The following KAT6A variants were observed in gnomAD, a reference collection of about 807,000 sequenced individuals.
KAT6A encodes the protein lysine acetyltransferase 6A.
Under a neutral mutation model 198.4 loss-of-function variants are expected in KAT6A, and 9 were observed. The ratio of observed to expected loss-of-function variants is 0.05; its 90% CI spans 0.03 to 0.08. The LOEUF is 0.08. Among genes scored for constraint, KAT6A ranks in the 10% least tolerant of loss-of-function variants. The pLI, the probability that KAT6A is intolerant of heterozygous loss-of-function variation, is 1.00. For synonymous variants in KAT6A, 890 were observed against 883.0 expected (o/e 1.01, Z -0.14); for missense variants, 2,077 against 2,509.9 (o/e 0.83, Z 3.69).
At chr8:42,001,919 T>C (rs940792765) in intron 2 of KAT6A, among the ~76,000 whole-genome samples, 6 of 152,322 alleles carry the variant, frequency 3.9e-5, no homozygotes, top group South Asian at 4.1e-4. Context: ...GTCTGCTTCA[T>C]TGTTTTTAGT....
intron 2 of KAT6A, among the ~76,000 whole-genome samples, chr8:42,003,489 A>G (rs1287748531): frequency 6.7e-6 from 1 of 149,118 alleles, no homozygotes; most frequent in African/African-American, 2.5e-5. Flanking sequence ...GTTGTAGCTG[A>G]TTCAGGAAGT....
At chr8:41,967,597 T>C (rs973740040) in intron 8 of KAT6A, among the ~76,000 whole-genome samples, 3 of 152,090 alleles carry the variant, frequency 2.0e-5, no homozygotes, top group Non-Finnish European at 4.4e-5. Flanking sequence ...ATTTCCAATT[T>C]CATCCATGTC....
In KAT6A at chr8:41,964,770, G is replaced by T. The variant is rs1340410583; in HGVS notation, c.1483-9359C>A. On this transcript the variant is annotated intron_variant, in intron 8 of 16. Coordinates refer to ENST00000265713, the MANE Select transcript of KAT6A (RefSeq NM_006766.5). ...TTAATTTATAAATTAGGCACAGTAA[G>T]AGATTAACAACAATAACTAAAAACA... is the stretch of plus-strand genomic sequence containing the variant. 2.9e-4 allele frequency among the ~76,000 whole-genome samples: 44 copies of T among 152,002 alleles called. 1 individual carries two copies. The highest frequency in any genetic ancestry group is 2.9e-3 in the Admixed American group (44 of 15,242).
rs1372851083 is a variant in KAT6A at position 41,948,899 on chromosome 8, A to ACG, written c.1740+322_1740+323insCG. The stretch of plus-strand genomic sequence containing the variant: ...AATAGAGAATCACAGAGCAGAGGTC[A>ACG]CACATCATCATCATCATCATCATCA... On this transcript the variant is annotated intron_variant, in intron 10 of 16. Coordinates refer to ENST00000265713, the MANE Select transcript of KAT6A (RefSeq NM_006766.5). 1.4e-4 allele frequency among the ~76,000 whole-genome samples: 18 copies of ACG among 128,760 alleles called. No homozygotes were observed. In the East Asian group the frequency reaches 3.9e-3, roughly 28 times the overall value. 84.5% of individuals were successfully genotyped at this position (128,760 alleles called of 152,430 possible).
chr8:41,940,345 G>C (rs780018417), intron 15 of KAT6A, among the ~76,000 whole-genome samples: 6 of 152,228 alleles, frequency 3.9e-5, no homozygotes, highest in African/African-American at 7.2e-5. Flanking sequence ...GAAGTGGGGA[G>C]AGTAGAGAGA....
At chr8:42,048,105 T>G (rs1045028021) in intron 2 of KAT6A, among the ~76,000 whole-genome samples, 1 of 152,056 alleles carries the variant, frequency 6.6e-6, no homozygotes, top group African/African-American at 2.4e-5. Context: ...AAAAAAAAGT[T>G]TTAAACTCAT....
intron 2 of KAT6A, among the ~76,000 whole-genome samples, chr8:42,001,634 G>C (rs1363477959): frequency 1.3e-5 from 2 of 152,214 alleles, no homozygotes; most frequent in African/African-American, 2.4e-5. Flanking sequence ...GCAGAGCAGA[G>C]GGAAGAGACA....
At chr8:42,032,031 G>A (rs1380106630) in intron 2 of KAT6A, among the ~76,000 whole-genome samples, 1 of 151,620 alleles carries the variant, frequency 6.6e-6, no homozygotes, top group Non-Finnish European at 1.5e-5. Context: ...CCGGGTTCAC[G>A]CCGTTCTCCT....
intron 3 of KAT6A, among the ~76,000 whole-genome samples, chr8:41,984,203 C>T (rs1824494663): frequency 6.6e-6 from 1 of 152,214 alleles, no homozygotes; most frequent in South Asian, 2.1e-4. Flanking sequence ...CTTACAACTC[C>T]CTCTCATAAT....
At chr8:41,979,766 C>T (rs1209224247) in intron 5 of KAT6A, among the ~76,000 whole-genome samples, 10 of 152,064 alleles carry the variant, frequency 6.6e-5, no homozygotes, top group African/African-American at 2.4e-4. Flanking sequence ...TTTGGGAGGC[C>T]GAGGCGAACA....
At chr8:41,974,073 A>G (rs1823930445) in intron 8 of KAT6A, among the ~76,000 whole-genome samples, 1 of 151,568 alleles carries the variant, frequency 6.6e-6, no homozygotes, top group Non-Finnish European at 1.5e-5. Flanking sequence ...TGTCACAAAG[A>G]ATTGCAATTT....
intron 2 of KAT6A, among the ~76,000 whole-genome samples, chr8:42,013,277 G>A (rs1320274829): frequency 1.4e-5 from 2 of 139,422 alleles, no homozygotes; most frequent in East Asian, 2.1e-4. Flanking sequence ...TTTTTTTTTA[G>A]ATGGAGTCTC....
At chr8:41,948,778 T>G (rs1338583600) in intron 10 of KAT6A, among the ~76,000 whole-genome samples, 5 of 113,392 alleles carry the variant, frequency 4.4e-5, no homozygotes, top group African/African-American at 1.7e-4. Flanking sequence ...ATCTGAAATT[T>G]TACTGTTACA....
At chr8:42,012,701 G>T (rs191887707) in intron 2 of KAT6A, among the ~76,000 whole-genome samples, 146 of 152,240 alleles carry the variant, frequency 9.6e-4, no homozygotes, top group African/African-American at 3.3e-3. Context: ...ATCCAGTTTC[G>T]CAATTTTTTA....
chr8:41,984,734 T>C (rs1368730492), intron 3 of KAT6A, among the ~76,000 whole-genome samples: 1 of 152,090 alleles, frequency 6.6e-6, no homozygotes, highest in Non-Finnish European at 1.5e-5. Flanking sequence ...ATCCCAACAC[T>C]TTGGGAGGCC....
chr8:41,996,459 C>CA (rs1270978292), intron 2 of KAT6A, among the ~76,000 whole-genome samples: 1 of 152,178 alleles, frequency 6.6e-6, no homozygotes, highest in East Asian at 1.9e-4. Flanking sequence ...GGATAATGAG[C>CA]ACATCCTACC....
At chr8:42,033,179 T>G (rs1827211586) in intron 2 of KAT6A, among the ~76,000 whole-genome samples, 1 of 152,132 alleles carries the variant, frequency 6.6e-6, no homozygotes, top group African/African-American at 2.4e-5. Context: ...GGCCAAACCT[T>G]GGCTATTCTT....
chr8:41,941,388 A>C lies in KAT6A; in HGVS notation c.2493T>G (p.Ser831Arg), dbSNP rs577874110. 20 of 1,609,770 alleles carry C rather than the reference A, an allele frequency of 1.2e-5. No individual in the cohort carries two copies. The highest frequency in any genetic ancestry group is 1.7e-5 in the Non-Finnish European group (20 of 1,179,824). The part of the protein sequence containing the change: ...NKEQDSYSVE[S>R]EKKPEVMAPV... ...GAGCCATAACTTCTGGTTTCTTTTCACTTTCTACTGAATAAGAATCTTGTT... is the reference window on the plus strand; with the variant it reads ...GAGCCATAACTTCTGGTTTCTTTTCCCTTTCTACTGAATAAGAATCTTGTT... Residue 831 changes from serine to arginine, a missense_variant, in exon 15 of 17, where the codon AGT (serine) becomes AGG (arginine). Physicochemically the swap from Ser to Arg is moderately radical, Grantham distance 110. Around this residue, in one of 13 missense-constraint regions of KAT6A, gnomAD observed 301 missense variants for 272.2 expected, o/e 1.11. Coordinates refer to ENST00000265713, the MANE Select transcript of KAT6A (RefSeq NM_006766.5).
chr8:42,043,800 C>A (rs1351900483), intron 2 of KAT6A, among the ~76,000 whole-genome samples: 2 of 152,164 alleles, frequency 1.3e-5, no homozygotes, highest in East Asian at 3.8e-4. Flanking sequence ...AAATTCAAAT[C>A]CCAGCTCTGC....
Sources: gnomAD v4.1 joint callset for allele counts (sites outside exome capture counted in the v4.1 genomes callset) on GRCh38, gnomAD v4.1.1 for gene constraint, gnomAD v4.1.1 regional missense constraint, MANE v1.5 for transcripts, NCBI Gene and HGNC (gene_info 2026-07-23, HGNC 2026-07-21) for gene names.